ARSB: variants seen among roughly 807,000 people sequenced by gnomAD.
ARSB encodes the protein N-acetylgalactosamine-4-sulfatase.
In ARSB, 41 loss-of-function variants were observed where a neutral mutation model predicts 50.9. The observed-to-expected ratio is 0.81, with a 90% CI of 0.63 to 1.04. The LOEUF (loss-of-function observed/expected upper bound fraction) is 1.04, where lower values mean the gene tolerates loss of function less well. ARSB is among the 50% of genes least tolerant of loss of function. The pLI is 0.00. For missense variants in ARSB, 672 were observed against 693.3 expected (o/e 0.97, Z 0.35); for synonymous variants, 269 against 284.8 (o/e 0.94, Z 0.56).
At chr5:78,846,019 T>TA (rs1490002887) in intron 5 of ARSB, among the ~76,000 whole-genome samples, 6 of 152,196 alleles carry the variant, frequency 3.9e-5, no homozygotes, top group Non-Finnish European at 7.3e-5. Context: ...CTTCAGGTCT[T>TA]ATATTTAAGT....
intron 4 of ARSB, among the ~76,000 whole-genome samples, chr5:78,943,563 C>G (rs1294244429): frequency 6.6e-6 from 1 of 152,148 alleles, no homozygotes; most frequent in Non-Finnish European, 1.5e-5. Flanking sequence ...ATATGAAAGT[C>G]TAGGTTGAAA....
intron 4 of ARSB, among the ~76,000 whole-genome samples, chr5:78,920,586 C>A (rs1242277104): frequency 6.6e-6 from 1 of 152,134 alleles, no homozygotes; most frequent in African/African-American, 2.4e-5. Flanking sequence ...TATCAGAACC[C>A]TCAGAAGGCA....
intron 3 of ARSB, among the ~76,000 whole-genome samples, chr5:78,958,043 CT>C (rs1751815039): frequency 6.6e-6 from 1 of 151,998 alleles, no homozygotes; most frequent in Non-Finnish European, 1.5e-5. Context: ...TTTCTGACTA[CT>C]CTTTGTCCAC....
rs1455206572 is a variant in ARSB at position 78,869,870 on chromosome 5, C to T, written c.1142+15714G>A. On this transcript the variant is annotated intron_variant, in intron 5 of 7. Coordinates refer to ENST00000264914, the MANE Select transcript of ARSB (RefSeq NM_000046.5). ...AAACCCTTCAAAAAATCAATGAATC[C>T]AGGAGCTGGTTTTTTGAAAGGATCA... Among the ~76,000 whole-genome samples, 18 of 150,406 alleles carry T rather than the reference C, an allele frequency of 1.2e-4. No homozygotes were observed. In the East Asian group the frequency reaches 1.6e-3, roughly 13 times the overall value.
At chr5:78,981,736 A>G (rs1249988300) in intron 1 of ARSB, among the ~76,000 whole-genome samples, 1 of 152,244 alleles carries the variant, frequency 6.6e-6, no homozygotes, top group Non-Finnish European at 1.5e-5. Flanking sequence ...CTCTTTACTC[A>G]ATAAATAATT....
At chr5:78,795,128 T>G (rs1302809567) in intron 6 of ARSB, among the ~76,000 whole-genome samples, 3 of 152,210 alleles carry the variant, frequency 2.0e-5, no homozygotes, top group Non-Finnish European at 2.9e-5. Context: ...CTATTATTGT[T>G]ATCATCATCA....
At position 78,905,344 on chromosome 5, in the gene ARSB, GTTT is replaced by G. The variant is rs60622885; in HGVS notation, c.899-19520_899-19518del. ...CCTTGAGTACTGCTCGTATTTTCCT[GTTT>G]TTTTTTTTTTGTATAATGAGTAATT... On this transcript the variant is annotated intron_variant, in intron 4 of 7. Transcript: ENST00000264914. 6.1e-5 allele frequency among the ~76,000 whole-genome samples: 8 copies of G among 130,554 alleles called. No homozygotes were observed. In the East Asian group the frequency reaches 2.0e-3, roughly 33 times the overall value. 85.6% of individuals were successfully genotyped at this position (130,554 alleles called of 152,430 possible). A position where few individuals can be genotyped will look rare whatever the true frequency, so the allele number is the denominator to read the frequency against.
Position 78,984,380 on chromosome 5 carries a change from A to G in ARSB, c.312+557T>C, listed in dbSNP as rs547527597. ...TCAGAAGAGTTCAATACAAGGTTAC[A>G]TGTGAAAGGAATGTCAGCAGCCTAA... is the stretch of plus-strand genomic sequence containing the variant. On this transcript the variant is annotated intron_variant, in intron 1 of 7. Transcript: ENST00000264914. Among the ~76,000 whole-genome samples, 23 of 152,338 alleles carry G rather than the reference A, an allele frequency of 1.5e-4. No individual in the cohort carries two copies. In the East Asian group the frequency reaches 4.0e-3, roughly 27 times the overall value.
chr5:78,947,599 T>G (rs1449217247), intron 4 of ARSB, among the ~76,000 whole-genome samples: 1 of 152,082 alleles, frequency 6.6e-6, no homozygotes, highest in Non-Finnish European at 1.5e-5. Context: ...CTCACCCCAG[T>G]TAAAATGGCT....
intron 6 of ARSB, among the ~76,000 whole-genome samples, chr5:78,828,215 ATT>A (rs370260911): frequency 3.3e-5 from 5 of 151,344 alleles, no homozygotes; most frequent in African/African-American, 1.2e-4. Flanking sequence ...GTTTAGGGTG[ATT>A]TTTTTTGTGT....
intron 5 of ARSB, among the ~76,000 whole-genome samples, chr5:78,849,881 A>T (rs1309535051): frequency 6.6e-6 from 1 of 150,516 alleles, no homozygotes; most frequent in Admixed American, 6.7e-5. Context: ...TTGGTGTATA[A>T]GAATGCTTGT....
At chr5:78,969,584 C>T (rs111404037) in intron 1 of ARSB, among the ~76,000 whole-genome samples, 77 of 152,218 alleles carry the variant, frequency 5.1e-4, no homozygotes, top group African/African-American at 1.0e-3. Flanking sequence ...CTGTAATCTT[C>T]GAAAACTTGG....
intron 4 of ARSB, among the ~76,000 whole-genome samples, chr5:78,937,249 AGTTC>A (rs1192952147): frequency 6.7e-6 from 1 of 148,648 alleles, no homozygotes; most frequent in Non-Finnish European, 1.5e-5. Flanking sequence ...AGTTCAAGGA[AGTTC>A]GATATATATA....
At chr5:78,797,307 CT>C (rs1463440910) in intron 6 of ARSB, among the ~76,000 whole-genome samples, 1 of 152,196 alleles carries the variant, frequency 6.6e-6, no homozygotes, top group Non-Finnish European at 1.5e-5. Context: ...TCTTTTTTCA[CT>C]GTTCATCTCT....
intron 1 of ARSB, among the ~76,000 whole-genome samples, chr5:78,975,420 A>G (rs1326391177): frequency 6.6e-6 from 1 of 152,224 alleles, no homozygotes; most frequent in East Asian, 1.9e-4. Context: ...CTCAGGGGTG[A>G]GTGAAAAGCC....
At chr5:78,839,259 G>T in intron 6 of ARSB, 97 bp downstream of exon 6, 1 of 1,222,066 alleles carries the variant, frequency 8.2e-7, no homozygotes, top group Non-Finnish European at 1.2e-6. Context: ...TAGCAACTCA[G>T]GAAAAAAGAG....
chr5:78,985,018 GGCC>G lies in ARSB; in HGVS notation c.228_230del (p.Ala77del). The G allele has an allele frequency of 6.5e-7, 1 of 1,540,156 alleles. No homozygotes were observed. On this transcript the variant is annotated inframe_deletion, in exon 1 of 8. Transcript: ENST00000264914. The stretch of plus-strand genomic sequence containing the variant: ...AGTAGTTGTCCAGGAGCACCCCGCC[GGCC>G]GCCAGCGCGTCCAGGTGCGGCGTGC...
At chr5:78,816,155 T>C (rs1743982227) in intron 6 of ARSB, 1 of 1,614,042 alleles carries the variant, frequency 6.2e-7, no homozygotes, top group Non-Finnish European at 8.5e-7. Flanking sequence ...GATATACAGA[T>C]TTCTCAGGGT....
At chr5:78,852,615 T>C (rs943842523) in intron 5 of ARSB, among the ~76,000 whole-genome samples, 63 of 152,168 alleles carry the variant, frequency 4.1e-4, no homozygotes, top group African/African-American at 1.4e-3. Flanking sequence ...CCTTGCTAGA[T>C]TGGGGAAGTT....
Sources: gnomAD v4.1 joint callset for allele counts (sites outside exome capture counted in the v4.1 genomes callset) on GRCh38, gnomAD v4.1.1 for gene constraint, MANE v1.5 for transcripts, NCBI Gene and HGNC (gene_info 2026-07-23, HGNC 2026-07-21) for gene names.